MAPK6: variants seen among roughly 807,000 people sequenced by gnomAD.
MAPK6 encodes ERK-3.
MAPK6 carries 19 observed loss-of-function variants against 59.3 expected under a neutral mutation model. The observed-to-expected ratio is 0.32, with a 90% CI of 0.22 to 0.47. The LOEUF (loss-of-function observed/expected upper bound fraction) is 0.47. Among genes scored for constraint, MAPK6 ranks in the 20% least tolerant of loss-of-function variants. MAPK6 has a pLI of 1.00. For synonymous variants in MAPK6, 316 were observed against 290.3 expected, an observed-to-expected ratio of 1.09 and a Z score of -0.90; for missense variants, 724 against 847.9, an observed-to-expected ratio of 0.85 and a Z score of 1.81.
intron 3 of MAPK6, among the ~76,000 whole-genome samples, chr15:52,055,185 A>T (rs1362943230): frequency 6.6e-6 from 1 of 152,200 alleles, no homozygotes; most frequent in South Asian, 2.1e-4. Flanking sequence ...AGACCAGAGG[A>T]TCACTTGAGC....
chr15:52,010,438 C>CAA (rs2030020337), intron 3 of MAPK6, among the ~76,000 whole-genome samples: 1 of 151,124 alleles, frequency 6.6e-6, no homozygotes, highest in Non-Finnish European at 1.5e-5. Flanking sequence ...TGGTCTTGAA[C>CAA]GCCTGACCTC....
intron 2 of MAPK6, among the ~76,000 whole-genome samples, chr15:51,995,479 G>T (rs2141819812): frequency 6.6e-6 from 1 of 152,276 alleles, no homozygotes; most frequent in African/African-American, 2.4e-5. Flanking sequence ...TTCTTGTGCT[G>T]CTTTCACATC....
chr15:52,058,952 C>T (rs1205150819), intron 4 of MAPK6, among the ~76,000 whole-genome samples, 155 bp downstream of exon 4: 1 of 152,158 alleles, frequency 6.6e-6, no homozygotes. Context: ...TCTCATTTTC[C>T]CTTTTTTTGT....
chr15:52,016,441 G>C (rs955621457), upstream of MAPK6, among the ~76,000 whole-genome samples: 7 of 151,782 alleles, frequency 4.6e-5, no homozygotes, highest in Non-Finnish European at 8.8e-5. Context: ...ACATTGACAT[G>C]ACTTTACAAT....
chr15:51,994,307 C>T (rs1253789033), intron 2 of MAPK6, among the ~76,000 whole-genome samples: 1 of 152,066 alleles, frequency 6.6e-6, no homozygotes, highest in African/African-American at 2.4e-5. Context: ...AACCAGGGCC[C>T]CTTGGAGAAT....
At chr15:52,005,932 G>A (rs2057257491) in intron 3 of MAPK6, among the ~76,000 whole-genome samples, 1 of 152,138 alleles carries the variant, frequency 6.6e-6, no homozygotes, top group Admixed American at 6.5e-5. Flanking sequence ...GCAGGCCCAT[G>A]TAGGAAATGG....
chr15:52,065,054 T>C lies in MAPK6; in HGVS notation c.*54T>C. 1.4e-6 allele frequency: 2 copies of C among 1,480,450 alleles called. No homozygotes were observed. Among genetic ancestry groups the C allele is most frequent in the Non-Finnish European group, 1.8e-6 (2 of 1,105,122 alleles). 91.7% of individuals were successfully genotyped at this position (1,480,450 alleles called of 1,614,324 possible). On this transcript the variant is annotated 3_prime_UTR_variant, in exon 6 of 6. Transcript: ENST00000261845. The stretch of plus-strand genomic sequence containing the variant: ...TCTTCATGAAATGTGTTTTGTCTTT[T>C]TTTATTACTAGTGTTTAAGTCATTT...
chr15:52,044,808 T>C (rs936420313), intron 1 of MAPK6, among the ~76,000 whole-genome samples: 2 of 152,136 alleles, frequency 1.3e-5, no homozygotes, highest in Non-Finnish European at 2.9e-5. Flanking sequence ...TCTAGTAATC[T>C]GCCATGTTTG....
intron 1 of MAPK6, chr15:52,021,582 T>A (rs1053427189): frequency 6.6e-6 from 1 of 152,128 alleles, no homozygotes; most frequent in Non-Finnish European, 1.5e-5. Flanking sequence ...CAATTTCTGG[T>A]CAGGTGCTGA....
intron 2 of MAPK6, among the ~76,000 whole-genome samples, chr15:51,999,844 A>G (rs1429217893): frequency 2.6e-5 from 4 of 152,002 alleles, no homozygotes; most frequent in East Asian, 1.9e-4. Context: ...GGGTTTCACC[A>G]TGTTGCCTAG....
upstream of MAPK6, chr15:52,017,561 G>C (rs1037207325): frequency 5.2e-5 from 8 of 152,680 alleles, no homozygotes; most frequent in African/African-American, 1.7e-4. Context: ...CTGGGGATAC[G>C]ATGGCTTAGC....
At chr15:52,043,327 T>C (rs920379615) in intron 1 of MAPK6, among the ~76,000 whole-genome samples, 9 of 152,286 alleles carry the variant, frequency 5.9e-5, no homozygotes, top group African/African-American at 2.2e-4. Flanking sequence ...AGACGGAATC[T>C]TGCTCTTTTG....
At chr15:52,057,471 A>G (rs1022507014) in intron 3 of MAPK6, among the ~76,000 whole-genome samples, 31 of 152,118 alleles carry the variant, frequency 2.0e-4, no homozygotes, top group Admixed American at 2.0e-3. Flanking sequence ...CCATCTTCCT[A>G]GAACTCCTTT....
At chr15:52,009,183 A>G (rs2029987064) in intron 3 of MAPK6, among the ~76,000 whole-genome samples, 1 of 152,204 alleles carries the variant, frequency 6.6e-6, no homozygotes. Context: ...CTTTGTCTCC[A>G]CAACTCAAAA....
At chr15:51,973,196 C>G (rs952222409) in intron 1 of MAPK6, among the ~76,000 whole-genome samples, 2 of 151,800 alleles carry the variant, frequency 1.3e-5, no homozygotes, top group African/African-American at 4.8e-5. Context: ...AATCATCAAT[C>G]CTAGAGCTTT....
chr15:52,006,159 T>C (rs2057258114), intron 3 of MAPK6, among the ~76,000 whole-genome samples: 1 of 152,220 alleles, frequency 6.6e-6, no homozygotes, highest in Non-Finnish European at 1.5e-5. Flanking sequence ...TGAGTTATTG[T>C]TGACTGTTTC....
chr15:52,020,129 G>C (rs1367174985), intron 1 of MAPK6: 1 of 152,264 alleles, frequency 6.6e-6, no homozygotes, highest in Non-Finnish European at 1.5e-5. Flanking sequence ...GTCTGTAAAA[G>C]TGCCCAAATG....
intron 3 of MAPK6, among the ~76,000 whole-genome samples, chr15:52,057,728 G>A (rs2032038002): frequency 6.6e-6 from 1 of 152,190 alleles, no homozygotes; most frequent in South Asian, 2.1e-4. Flanking sequence ...TTTTGGTAGA[G>A]ATGGGGTTTT....
chr15:51,992,025 C>T (rs1173682548), intron 2 of MAPK6, among the ~76,000 whole-genome samples: 2 of 152,108 alleles, frequency 1.3e-5, no homozygotes, highest in African/African-American at 2.4e-5. Context: ...GGCTTGATCA[C>T]AGTTCACTGC....
Sources: allele counts gnomAD v4.1 joint callset (sites outside exome capture counted in the v4.1 genomes callset), GRCh38; gene constraint gnomAD v4.1.1; transcripts MANE v1.5; gene names NCBI Gene and HGNC (gene_info 2026-07-23, HGNC 2026-07-21).